The following SBF2 variants were observed in gnomAD, a reference collection of about 807,000 sequenced individuals.
SBF2 encodes SET binding factor 2, also known as myotubularin-related protein 13.
In SBF2, 112 loss-of-function variants were observed where a neutral mutation model predicts 225.2. The ratio of observed to expected loss-of-function variants is 0.50; its 90% confidence interval spans 0.43 to 0.58. The LOEUF (loss-of-function observed/expected upper bound fraction) is 0.58. SBF2 is among the 20% of genes least tolerant of loss of function. SBF2 has a pLI of 0.00. For missense variants in SBF2, 1,996 were observed against 2,206.2 expected, an observed-to-expected ratio of 0.90 and a Z score of 1.91; for synonymous variants, 763 against 773.3, an observed-to-expected ratio of 0.99 and a Z score of 0.22.
intron 10 of SBF2, 103 bp downstream of exon 10, chr11:9,993,817 CT>C (rs999764709): frequency 8.1e-7 from 1 of 1,229,516 alleles, no homozygotes; most frequent in Admixed American, 2.1e-5. Context: ...ACTTTTTACT[CT>C]GCTGTCCATC....
intron 9 of SBF2, among the ~76,000 whole-genome samples, chr11:9,994,936 C>G (rs1947625866): frequency 1.3e-5 from 2 of 151,816 alleles, no homozygotes; most frequent in South Asian, 2.1e-4. Flanking sequence ...ACTTGGGAGT[C>G]TGAGGCAGGA....
intron 16 of SBF2, among the ~76,000 whole-genome samples, chr11:9,938,377 C>G (rs913574398): frequency 2.9e-4 from 44 of 150,864 alleles, no homozygotes; most frequent in African/African-American, 1.1e-3. Context: ...TTTGCACTCT[C>G]AATTCCAGTG....
intron 2 of SBF2, among the ~76,000 whole-genome samples, chr11:10,072,744 T>A (rs1238432211): frequency 6.6e-6 from 1 of 150,478 alleles, no homozygotes; most frequent in African/African-American, 2.4e-5. Flanking sequence ...CTTTTTTTTT[T>A]TTTTGGAGAC....
chr11:10,255,090 G>T (rs967057454), intron 1 of SBF2, among the ~76,000 whole-genome samples: 4 of 151,988 alleles, frequency 2.6e-5, no homozygotes, highest in African/African-American at 9.7e-5. Context: ...GGGACTAGCA[G>T]GTGAGAAGGA....
At chr11:10,192,481 A>G (rs1957211415) in intron 2 of SBF2, among the ~76,000 whole-genome samples, 1 of 152,168 alleles carries the variant, frequency 6.6e-6, no homozygotes, top group Non-Finnish European at 1.5e-5. Context: ...CCAACAAGAG[A>G]ATGAACAATT....
At chr11:10,099,690 T>C (rs1336556707) in intron 2 of SBF2, among the ~76,000 whole-genome samples, 1 of 152,160 alleles carries the variant, frequency 6.6e-6, no homozygotes, top group East Asian at 1.9e-4. Flanking sequence ...CATTGTGACA[T>C]CGATAACAAA....
intron 2 of SBF2, among the ~76,000 whole-genome samples, chr11:10,065,883 G>A (rs189250527): frequency 1.9e-3 from 290 of 152,242 alleles, no homozygotes; most frequent in African/African-American, 6.8e-3. Flanking sequence ...GGGGGTGGAA[G>A]TTGCAGTGAG....
chr11:9,825,117 C>G (rs1854991831), intron 28 of SBF2, among the ~76,000 whole-genome samples: 1 of 152,090 alleles, frequency 6.6e-6, no homozygotes, highest in Admixed American at 6.5e-5. Flanking sequence ...CCCCCAGTGC[C>G]TCAGAATATA....
intron 13 of SBF2, among the ~76,000 whole-genome samples, chr11:9,975,637 T>C (rs1478131340): frequency 2.0e-5 from 3 of 152,140 alleles, no homozygotes; most frequent in Non-Finnish European, 4.4e-5. Flanking sequence ...AAAAATTAGA[T>C]CATGATAAAC....
intron 30 of SBF2, chr11:9,810,442 G>A (rs1045092831): frequency 6.6e-6 from 1 of 152,132 alleles, no homozygotes; most frequent in African/African-American, 2.4e-5. Flanking sequence ...AAAACCAGAT[G>A]TATAACATTG....
chr11:10,236,509 G>A (rs1003727432), intron 1 of SBF2, among the ~76,000 whole-genome samples: 4 of 152,124 alleles, frequency 2.6e-5, no homozygotes, highest in South Asian at 2.1e-4. Context: ...ACCCAGGCTG[G>A]AGTGCAGTGG....
At chr11:9,804,843 G>A (rs913710764) in intron 32 of SBF2, among the ~76,000 whole-genome samples, 2 of 152,062 alleles carry the variant, frequency 1.3e-5, no homozygotes, top group East Asian at 3.8e-4. Context: ...TCTCTTCATC[G>A]GTTGATGGAC....
intron 2 of SBF2, among the ~76,000 whole-genome samples, chr11:10,083,373 G>GA (rs1555016542): frequency 3.3e-5 from 5 of 152,106 alleles, no homozygotes; most frequent in Admixed American, 6.6e-5. Context: ...CACAGAATTA[G>GA]AAAAAATAAT....
chr11:9,812,215 G>A (rs1201722390), intron 30 of SBF2, among the ~76,000 whole-genome samples: 2 of 152,060 alleles, frequency 1.3e-5, no homozygotes. Context: ...AACAGAGCAG[G>A]AGCCCTGTAA....
At chr11:10,044,247 GAA>G (rs770422545) in intron 2 of SBF2, among the ~76,000 whole-genome samples, 1 of 124,142 alleles carries the variant, frequency 8.1e-6, no homozygotes. Context: ...GGCTAATTAA[GAA>G]AAAAAAAAAA....
intron 28 of SBF2, among the ~76,000 whole-genome samples, chr11:9,818,852 G>A (rs1475583147): frequency 6.6e-6 from 1 of 152,106 alleles, no homozygotes; most frequent in Non-Finnish European, 1.5e-5. Flanking sequence ...CTCCCGAGTA[G>A]CTGGGATTAC....
chr11:10,026,793 CA>C (rs1357274495), intron 6 of SBF2, among the ~76,000 whole-genome samples: 4 of 151,812 alleles, frequency 2.6e-5, no homozygotes, highest in African/African-American at 9.7e-5. Flanking sequence ...ATGTAATCAA[CA>C]AGATGTTCTT....
chr11:10,028,157 T>C (rs1949116328), intron 6 of SBF2, among the ~76,000 whole-genome samples: 1 of 152,040 alleles, frequency 6.6e-6, no homozygotes, highest in African/African-American at 2.4e-5. Context: ...CAAACAATCC[T>C]CCTGCCTCGG....
At chr11:10,243,276 CAAATT>C (rs1336042200) in intron 1 of SBF2, among the ~76,000 whole-genome samples, 1 of 151,512 alleles carries the variant, frequency 6.6e-6, no homozygotes, top group East Asian at 1.9e-4. Flanking sequence ...TATCTTGAGA[CAAATT>C]AAAACAAAAA....
Sources: gnomAD v4.1 joint callset for allele counts (sites outside exome capture counted in the v4.1 genomes callset) on GRCh38, gnomAD v4.1.1 for gene constraint, MANE v1.5 for transcripts, NCBI Gene and HGNC (gene_info 2026-07-23, HGNC 2026-07-21) for gene names.